The following KANSL2 variants were observed in gnomAD, a reference collection of about 807,000 sequenced individuals.
KANSL2 encodes NSL complex protein NSL2.
Under a neutral mutation model 55.6 loss-of-function variants are expected in KANSL2, and 34 were observed. The observed-to-expected ratio is 0.61, with a 90% confidence interval of 0.46 to 0.81. KANSL2 has a LOEUF of 0.81. Ranked by LOEUF, KANSL2 falls within the 40% of genes least tolerant of loss-of-function variation. The probability of loss-of-function intolerance (pLI) is 0.00; values close to 1 mark genes in which losing one functional copy is unlikely to be tolerated. For synonymous variants in KANSL2, 209 were observed against 214.3 expected, an observed-to-expected ratio of 0.98 and a Z score of 0.22; for missense variants, 502 against 609.9, an observed-to-expected ratio of 0.82 and a Z score of 1.86.
In KANSL2 at chr12:48,655,119, T is replaced by C. The variant is rs1051929276; in HGVS notation, c.1228-59A>G. 60 of 1,519,512 alleles carry C rather than the reference T, an allele frequency of 3.9e-5. 1 individual carries two copies. In the African/African-American group the frequency reaches 7.8e-4, roughly 20 times the overall value. The allele number at this position is 1,519,512 out of a possible 1,614,324, so 94.1% of individuals were successfully genotyped here. A position where few individuals can be genotyped will look rare whatever the true frequency, so the allele number is the denominator to read the frequency against. ...AAGGGAAACAGTAATAAAGTTGGCA[T>C]GTTTTTCAGCAAACTTTAAAGCAAT... On this transcript the variant is annotated intron_variant, in intron 8 of 9. Coordinates refer to ENST00000420613, the MANE Select transcript of KANSL2 (RefSeq NM_017822.4).
rs754036660 is a variant in KANSL2, at chr12:48,682,212, C to T, written c.-35G>A. The T allele has an allele frequency of 3.1e-6, 2 of 651,398 alleles. No individual in the cohort carries two copies. Among genetic ancestry groups the T allele is most frequent in the African/African-American group, 3.6e-5 (2 of 55,480 alleles). The allele number at this position is 651,398 out of a possible 1,614,324, so 40.4% of individuals were successfully genotyped here. A position where few individuals can be genotyped will look rare whatever the true frequency, so the allele number is the denominator to read the frequency against. On this transcript the variant is annotated 5_prime_UTR_variant, in exon 1 of 10. Coordinates refer to ENST00000420613, the MANE Select transcript of KANSL2 (RefSeq NM_017822.4). ...CTCAGGAGCTGCGCTGCGCCGCACT[C>T]TGCCGCGCCGCTCGCCCTTCTCTAG...
intron 5 of KANSL2, 66 bp downstream of exon 5, chr12:48,671,733 A>G (rs1939717721): frequency 7.5e-6 from 11 of 1,471,912 alleles, no homozygotes; most frequent in African/African-American, 1.4e-5. Context: ...TAAGTGACAC[A>G]TGACTGTACT....
Position 48,654,623 on chromosome 12 carries a change from G to A in KANSL2, c.1347+318C>T, listed in dbSNP as rs141994786. 4.3e-4 allele frequency: 224 copies of A among 520,866 alleles called. 1 individual carries two copies. The highest frequency in any genetic ancestry group is 3.9e-3 in the African/African-American group (207 of 52,556). 32.3% of individuals were successfully genotyped at this position (520,866 alleles called of 1,614,324 possible). A position where few individuals can be genotyped will look rare whatever the true frequency, so the allele number is the denominator to read the frequency against. ...TGATGAACTCTCCCTCAGAAGGTATGATTTCCCTAGATTCCTTGTCTCAAG... is the reference window on the plus strand; with the variant it reads ...TGATGAACTCTCCCTCAGAAGGTATAATTTCCCTAGATTCCTTGTCTCAAG... On this transcript the variant is annotated intron_variant, in intron 9 of 9. Transcript: ENST00000420613.
At chr12:48,674,013 C>G (rs1939776595) in intron 4 of KANSL2, among the ~76,000 whole-genome samples, 1 of 152,124 alleles carries the variant, frequency 6.6e-6, no homozygotes, top group Admixed American at 6.5e-5. Flanking sequence ...TTTTGTTTCA[C>G]TCACCGTCTG....
At chr12:48,680,250 G>A (rs991197131) in intron 2 of KANSL2, among the ~76,000 whole-genome samples, 2 of 152,118 alleles carry the variant, frequency 1.3e-5, no homozygotes, top group Admixed American at 6.5e-5. Context: ...TTGTAGAAAC[G>A]AAGTCTATGT....
At chr12:48,654,858 G>A in intron 9 of KANSL2, 83 bp downstream of exon 9, 2 of 1,415,734 alleles carry the variant, frequency 1.4e-6, no homozygotes, top group Admixed American at 2.2e-5. Flanking sequence ...CTCCCCTCCA[G>A]GAGCACATGC....
chr12:48,662,307 G>T (rs979964072), intron 7 of KANSL2, among the ~76,000 whole-genome samples: 2 of 152,208 alleles, frequency 1.3e-5, no homozygotes, highest in African/African-American at 4.8e-5. Flanking sequence ...GTTTCGCCAT[G>T]TTGGCCAGGC....
chr12:48,682,015 C>T lies in KANSL2; in HGVS notation c.-10+172G>A, dbSNP rs1486342493. 4 of 702,900 alleles carry T rather than the reference C, an allele frequency of 5.7e-6. No homozygotes were observed. The Admixed American group carries it at 6.0e-5, about 11-fold the overall frequency. The allele number at this position is 702,900 out of a possible 1,614,324, so 43.5% of individuals were successfully genotyped here. On this transcript the variant is annotated intron_variant, in intron 1 of 9. Transcript: ENST00000420613. ...GCCTGGCCTCGGAAGCCTATGCGAG[C>T]GCCATTTTGTCCTACGGCTCCAGTC...
Position 48,653,836 on chromosome 12 carries a change from A to T in KANSL2, c.*208T>A. The T allele has an allele frequency of 2.2e-6, 1 of 451,128 alleles. No individual in the cohort carries two copies. The highest frequency in any genetic ancestry group is 3.9e-6 in the Non-Finnish European group (1 of 258,606). 27.9% of individuals were successfully genotyped at this position (451,128 alleles called of 1,614,324 possible). ...AATAATCCCAGAAGCTTTGATAGGG[A>T]TTATCTCTCTTTCTCTTCCTTGCCC... is the stretch of plus-strand genomic sequence containing the variant. On this transcript the variant is annotated 3_prime_UTR_variant, in exon 10 of 10. Transcript: ENST00000420613.
At chr12:48,655,403 TACAAAA>T in intron 8 of KANSL2, among the ~76,000 whole-genome samples, 1 of 152,154 alleles carries the variant, frequency 6.6e-6, no homozygotes, top group South Asian at 2.1e-4. Flanking sequence ...ACCCCGTCTC[TACAAAA>T]ACTGCAAAAA....
intron 5 of KANSL2, 93 bp downstream of exon 5, chr12:48,671,706 G>A: frequency 7.8e-7 from 1 of 1,281,514 alleles, no homozygotes; most frequent in Middle Eastern, 2.0e-4. Context: ...ACCTAACAAA[G>A]TATGTATCCC....
chr12:48,676,325 C>T (rs1484716747), intron 4 of KANSL2, among the ~76,000 whole-genome samples: 3 of 152,062 alleles, frequency 2.0e-5, no homozygotes, highest in South Asian at 4.1e-4. Flanking sequence ...AGGCTGGTCT[C>T]GAACTCCTGG....
intron 9 of KANSL2, chr12:48,654,556 C>A (rs148159765): frequency 9.9e-6 from 6 of 604,874 alleles, no homozygotes; most frequent in Middle Eastern, 2.8e-4. Context: ...GAACTCAAAT[C>A]ACATTACTTT....
intron 4 of KANSL2, among the ~76,000 whole-genome samples, chr12:48,673,047 C>T (rs1402909645): frequency 1.3e-5 from 2 of 152,138 alleles, no homozygotes; most frequent in Non-Finnish European, 2.9e-5. Flanking sequence ...GCATGAGCCA[C>T]TGTGCCCAGC....
chr12:48,679,603 T>C lies in KANSL2; in HGVS notation c.430+52A>G, dbSNP rs569243007. ...AAGGCATTGTGCTAACCCAAAATAG[T>C]TCCCCCTTAACTTTCTTCCTCCTTT... On this transcript the variant is annotated intron_variant, in intron 3 of 9. Coordinates refer to ENST00000420613, the MANE Select transcript of KANSL2 (RefSeq NM_017822.4). The C allele has an allele frequency of 2.7e-5, 40 of 1,496,270 alleles. 1 individual carries two copies. The highest frequency in any genetic ancestry group is 3.1e-5 in the Non-Finnish European group (34 of 1,088,098). The allele number at this position is 1,496,270 out of a possible 1,614,324, so 92.7% of individuals were successfully genotyped here. A position where few individuals can be genotyped will look rare whatever the true frequency, so the allele number is the denominator to read the frequency against.
chr12:48,675,015 AAAAT>A (rs1322501148), intron 4 of KANSL2, among the ~76,000 whole-genome samples: 140 of 148,510 alleles, frequency 9.4e-4, no homozygotes, highest in Admixed American at 3.4e-4. Flanking sequence ...AATAAATTTA[AAAAT>A]AAATAAAATA....
chr12:48,677,178 T>C (rs1365392191), intron 4 of KANSL2, among the ~76,000 whole-genome samples: 1 of 152,128 alleles, frequency 6.6e-6, no homozygotes, highest in Non-Finnish European at 1.5e-5. Context: ...TAGCTGACCA[T>C]ATTTGGGGCT....
In KANSL2 at chr12:48,681,573, G is replaced by A. The variant is rs1349879394; in HGVS notation, c.60C>T (p.Pro20=). ...CACAAGACAGAGGTTCCTGAGACCTGGGCACTGGAGTGATCCTCCCCCGAT... is the reference window on the plus strand; with the variant it reads ...CACAAGACAGAGGTTCCTGAGACCTAGGCACTGGAGTGATCCTCCCCCGAT... ...PTNRGRITPV[P]RSQEPLSCAF... is the part of the protein sequence containing the mutation. Residue 20 remains proline (P), a synonymous_variant, in exon 2 of 10, where the codon CCC becomes CCT. Coordinates refer to ENST00000420613, the MANE Select transcript of KANSL2 (RefSeq NM_017822.4). The A allele has an allele frequency of 1.9e-6, 3 of 1,613,970 alleles. No individual in the cohort carries two copies. The highest frequency in any genetic ancestry group is 2.7e-5 in the African/African-American group (2 of 75,030).
chr12:48,679,911 A>T (rs1470379690), intron 2 of KANSL2, 78 bp from the exon 3 acceptor site: 2 of 1,213,552 alleles, frequency 1.6e-6, no homozygotes, highest in Non-Finnish European at 2.3e-6. Context: ...CTAATCTTTA[A>T]ATCATTTTTA....
Sources: gnomAD v4.1 joint callset for allele counts (sites outside exome capture counted in the v4.1 genomes callset) on GRCh38, gnomAD v4.1.1 for gene constraint, MANE v1.5 for transcripts, NCBI Gene and HGNC (gene_info 2026-07-23, HGNC 2026-07-21) for gene names.